INPP4B: variants seen among roughly 807,000 people sequenced by gnomAD.
The protein encoded by INPP4B is inositol polyphosphate-4-phosphatase type II B, also known as inositol polyphosphate 4-phosphatase type II.
INPP4B carries 55 observed loss-of-function variants against 122.5 expected under a neutral mutation model. That is an observed-to-expected ratio of 0.45 (90% CI 0.36 to 0.56). The LOEUF (loss-of-function observed/expected upper bound fraction) is 0.56, where lower values mean the gene tolerates loss of function less well. Ranked by LOEUF, INPP4B falls within the 20% of genes least tolerant of loss-of-function variation. The probability of loss-of-function intolerance (pLI) is 0.00; values close to 1 mark genes in which losing one functional copy is unlikely to be tolerated. For synonymous variants in INPP4B, 403 were observed against 388.7 expected (o/e 1.04, Z -0.43); for missense variants, 1,000 against 1,097.7 (o/e 0.91, Z 1.26).
At chr4:142,416,275 C>G (rs1805746437) in intron 5 of INPP4B, among the ~76,000 whole-genome samples, 1 of 152,068 alleles carries the variant, frequency 6.6e-6, no homozygotes, top group East Asian at 1.9e-4. Flanking sequence ...CAGGAGGTAG[C>G]AAGCCGACAG....
intron 11 of INPP4B, among the ~76,000 whole-genome samples, chr4:142,254,860 A>G (rs1455849478): frequency 1.3e-5 from 2 of 152,048 alleles, no homozygotes; most frequent in Non-Finnish European, 2.9e-5. Flanking sequence ...AGAATGCCAC[A>G]AAGATACTCC....
chr4:142,023,680 A>ATG lies in INPP4B; in HGVS notation c.*5100_*5101dup, dbSNP rs1222361440. ...CTTTCATGACCTGGCGGTAATTTAG[A>ATG]TGATTGAAGGAATATTATGAATGTA... On this transcript the variant is annotated 3_prime_UTR_variant, in exon 26 of 26. Coordinates refer to ENST00000262992, the MANE Select transcript of INPP4B (RefSeq NM_001101669.3). 1 of 152,184 alleles carries ATG rather than the reference A, an allele frequency of 6.6e-6. No homozygotes were observed. The highest frequency in any genetic ancestry group is 2.4e-5 in the African/African-American group (1 of 41,460). 9.4% of individuals were successfully genotyped at this position (152,184 alleles called of 1,614,324 possible).
At chr4:142,229,210 T>C (rs1037127523) in intron 12 of INPP4B, among the ~76,000 whole-genome samples, 2 of 152,104 alleles carry the variant, frequency 1.3e-5, no homozygotes, top group African/African-American at 2.4e-5. Flanking sequence ...ATTTCCCTTA[T>C]GGAGCAGTTC....
At chr4:142,201,878 G>A (rs1840766340) in intron 14 of INPP4B, among the ~76,000 whole-genome samples, 1 of 151,826 alleles carries the variant, frequency 6.6e-6, no homozygotes, top group Non-Finnish European at 1.5e-5. Flanking sequence ...TTTTACCATG[G>A]CTATATCCTA....
chr4:142,815,883 C>T (rs1458967205), intron 1 of INPP4B, among the ~76,000 whole-genome samples: 1 of 152,120 alleles, frequency 6.6e-6, no homozygotes, highest in East Asian at 1.9e-4. Flanking sequence ...TTTATTTTCA[C>T]TTTTGTAAAT....
chr4:142,421,354 G>A (rs1274734621), intron 5 of INPP4B, among the ~76,000 whole-genome samples: 1 of 152,122 alleles, frequency 6.6e-6, no homozygotes, highest in Admixed American at 6.6e-5. Context: ...GGCAATTAGA[G>A]GCACAGCCTG....
chr4:142,163,045 T>C (rs924968749), intron 16 of INPP4B, among the ~76,000 whole-genome samples: 5 of 151,802 alleles, frequency 3.3e-5, no homozygotes, highest in African/African-American at 9.7e-5. Context: ...ACCATTGATG[T>C]TTCGCAGTCA....
chr4:142,338,526 C>T (rs1311066035), intron 7 of INPP4B, among the ~76,000 whole-genome samples: 2 of 152,162 alleles, frequency 1.3e-5, no homozygotes, highest in Non-Finnish European at 2.9e-5. Flanking sequence ...GCGTGAGCCA[C>T]CAGGCAACTT....
chr4:142,823,709 T>C lies in INPP4B; in HGVS notation c.-254+22500A>G, dbSNP rs930676655. Among the ~76,000 whole-genome samples, 21 of 152,182 alleles carry C rather than the reference T, an allele frequency of 1.4e-4. 1 individual carries two copies. Among genetic ancestry groups the C allele is most frequent in the African/African-American group, 5.1e-4 (21 of 41,456 alleles). On this transcript the variant is annotated intron_variant, in intron 1 of 25. Coordinates refer to ENST00000262992, the MANE Select transcript of INPP4B (RefSeq NM_001101669.3). ...TTAGGACACAACTGACTTTTGATTGTTCCAGTTGGAATGATAGCGTTTTGA... is the reference window on the plus strand; with the variant it reads ...TTAGGACACAACTGACTTTTGATTGCTCCAGTTGGAATGATAGCGTTTTGA...
In INPP4B at chr4:142,381,464, A is replaced by G. The variant is rs544809061; in HGVS notation, c.372+21474T>C. Among the ~76,000 whole-genome samples, 49 of 152,226 alleles carry G rather than the reference A, an allele frequency of 3.2e-4. No individual in the cohort carries two copies. The South Asian group carries it at 9.7e-3, about 30-fold the overall frequency. On this transcript the variant is annotated intron_variant, in intron 7 of 25. Transcript: ENST00000262992. ...GAAATCCGAACTCTCTATATATTATAGAGATTAACCCACTAGCCTCTGAAT... is the reference window on the plus strand; with the variant it reads ...GAAATCCGAACTCTCTATATATTATGGAGATTAACCCACTAGCCTCTGAAT...
At chr4:142,718,073 C>A (rs958397485) in intron 2 of INPP4B, among the ~76,000 whole-genome samples, 8 of 152,016 alleles carry the variant, frequency 5.3e-5, no homozygotes, top group Non-Finnish European at 1.5e-5. Flanking sequence ...ATGAGATCAA[C>A]CAGGCTGTAT....
At chr4:142,048,623 A>G (rs1752851586) in intron 25 of INPP4B, among the ~76,000 whole-genome samples, 1 of 151,954 alleles carries the variant, frequency 6.6e-6, no homozygotes, top group South Asian at 2.1e-4. Context: ...ACTAAGGGTG[A>G]ACGATAAGTG....
chr4:142,268,860 C>T (rs1381525253), intron 10 of INPP4B, among the ~76,000 whole-genome samples: 1 of 152,112 alleles, frequency 6.6e-6, no homozygotes, highest in African/African-American at 2.4e-5. Flanking sequence ...AACTGAAACA[C>T]ACAAAAAACT....
chr4:142,620,900 G>T (rs1261208511), intron 2 of INPP4B, among the ~76,000 whole-genome samples: 1 of 151,688 alleles, frequency 6.6e-6, no homozygotes, highest in Non-Finnish European at 1.5e-5. Context: ...TGATGGAATT[G>T]CACTGTATTC....
intron 1 of INPP4B, among the ~76,000 whole-genome samples, chr4:142,836,716 G>C (rs1455319970): frequency 1.0e-4 from 7 of 69,892 alleles, no homozygotes; most frequent in Admixed American, 8.0e-4. Context: ...AAAAAGTACT[G>C]TCTACACACA....
At chr4:142,262,971 G>C (rs1286268796) in intron 10 of INPP4B, among the ~76,000 whole-genome samples, 1 of 152,154 alleles carries the variant, frequency 6.6e-6, no homozygotes, top group African/African-American at 2.4e-5. Flanking sequence ...CACTATTTTT[G>C]CTGGTATCAT....
intron 1 of INPP4B, among the ~76,000 whole-genome samples, chr4:142,764,426 C>G (rs765167067): frequency 1.4e-4 from 22 of 152,066 alleles, no homozygotes; most frequent in Admixed American, 3.9e-4. Flanking sequence ...ATAGCTGGCA[C>G]AGCACCATAC....
intron 25 of INPP4B, chr4:142,029,709 T>A: frequency 1.0e-6 from 1 of 989,536 alleles, no homozygotes; most frequent in Non-Finnish European, 1.2e-6. Flanking sequence ...ATCTATGATA[T>A]TAGCACAGTG....
chr4:142,826,735 A>G (rs575608991), intron 1 of INPP4B, among the ~76,000 whole-genome samples: 140 of 152,236 alleles, frequency 9.2e-4, no homozygotes, highest in African/African-American at 3.3e-3. Context: ...CACTCTGATA[A>G]GAGCTCTCTC....
Sources: gnomAD v4.1 joint callset for allele counts (sites outside exome capture counted in the v4.1 genomes callset) on GRCh38, gnomAD v4.1.1 for gene constraint, MANE v1.5 for transcripts, NCBI Gene and HGNC (gene_info 2026-07-23, HGNC 2026-07-21) for gene names.